Variants in PLCXD3 observed in about 807,000 individuals in gnomAD.
The protein encoded by PLCXD3 is PI-PLC X domain-containing protein 3.
A neutral mutation model predicts 25.5 loss-of-function variants in PLCXD3; 19 were observed. That is an observed-to-expected ratio of 0.75 (90% CI 0.52 to 1.09). PLCXD3 has a LOEUF of 1.09. Among genes scored for constraint, PLCXD3 ranks in the 50% least tolerant of loss-of-function variants. The pLI is 0.00. For synonymous variants in PLCXD3, 174 were observed against 137.6 expected, an observed-to-expected ratio of 1.26 and a Z score of -1.85; for missense variants, 411 against 388.1, an observed-to-expected ratio of 1.06 and a Z score of -0.50.
intron 1 of PLCXD3, among the ~76,000 whole-genome samples, chr5:41,387,985 A>T (rs1745691267): frequency 1.3e-5 from 2 of 152,148 alleles, no homozygotes. Context: ...TTAAAGAACT[A>T]GACTAAATGC....
intron 1 of PLCXD3, among the ~76,000 whole-genome samples, chr5:41,400,346 CA>C (rs1177636238): frequency 2.6e-5 from 4 of 151,574 alleles, no homozygotes; most frequent in Non-Finnish European, 5.9e-5. Flanking sequence ...GGTATATACC[CA>C]AAAAAAGAAA....
rs1743161866 is a variant in PLCXD3, at chr5:41,312,622, C to G, written c.*995G>C. 1 of 145,612 alleles carries G rather than the reference C, an allele frequency of 6.9e-6. No individual in the cohort carries two copies. Among genetic ancestry groups the G allele is most frequent in the African/African-American group, 2.5e-5 (1 of 39,374 alleles). The allele number at this position is 145,612 out of a possible 1,614,324, so 9.0% of individuals were successfully genotyped here. A position where few individuals can be genotyped will look rare whatever the true frequency, so the allele number is the denominator to read the frequency against. Reference sequence around the variant, plus strand: ...TCCTTCCTCCCTTCCTTCCTTCCTCCCGTCCTTCCTTCTGTCCTTCCCTCC... The same window carrying G: ...TCCTTCCTCCCTTCCTTCCTTCCTCGCGTCCTTCCTTCTGTCCTTCCCTCC... On this transcript the variant is annotated 3_prime_UTR_variant, in exon 3 of 3. Coordinates refer to ENST00000377801, the MANE Select transcript of PLCXD3 (RefSeq NM_001005473.3).
At chr5:41,504,535 G>C (rs1342955250) in intron 1 of PLCXD3, among the ~76,000 whole-genome samples, 1 of 152,220 alleles carries the variant, frequency 6.6e-6, no homozygotes, top group Non-Finnish European at 1.5e-5. Context: ...GGCATCAGCA[G>C]CTTCCACAAT....
At chr5:41,383,436 TAGAG>T (rs1405375051) in intron 1 of PLCXD3, among the ~76,000 whole-genome samples, 1 of 152,106 alleles carries the variant, frequency 6.6e-6, no homozygotes, top group African/African-American at 2.4e-5. Flanking sequence ...TTGTCACAAA[TAGAG>T]AGTGCCATTT....
At position 41,413,575 on chromosome 5, in the gene PLCXD3, T is replaced by C. The variant is rs79577818; in HGVS notation, c.104-31041A>G. ...TTCTGGCCAATCCTGCCAAAGAGAC[T>C]GTTATTCCACTTTTCCATTATTTGT... is the stretch of plus-strand genomic sequence containing the variant. On this transcript the variant is annotated intron_variant, in intron 1 of 2. Transcript: ENST00000377801. Among the ~76,000 whole-genome samples the C allele has an allele frequency of 2.7e-3, 404 of 152,374 alleles. 2 individuals carry two copies. The highest frequency in any genetic ancestry group is 9.4e-3 in the African/African-American group (390 of 41,590).
At chr5:41,332,658 G>A (rs544988383) in intron 2 of PLCXD3, among the ~76,000 whole-genome samples, 5,554 of 151,886 alleles carry the variant, frequency 0.037, 344 homozygotes, top group African/African-American at 0.13. Context: ...TGTTTATTGC[G>A]GCACTATTCA....
intron 1 of PLCXD3, among the ~76,000 whole-genome samples, chr5:41,459,207 C>T (rs1032695355): frequency 9.2e-5 from 14 of 151,834 alleles, no homozygotes; most frequent in South Asian, 2.1e-4. Context: ...TATTTTTAGA[C>T]ATTTTCATGT....
intron 2 of PLCXD3, among the ~76,000 whole-genome samples, chr5:41,372,122 A>G (rs1745112965): frequency 6.6e-6 from 1 of 152,016 alleles, no homozygotes; most frequent in African/African-American, 2.4e-5. Context: ...AGTGCTAGCT[A>G]TACATACTAG....
At position 41,491,793 on chromosome 5, in the gene PLCXD3, C is replaced by A. The variant is rs376171051; in HGVS notation, c.103+18631G>T. Among the ~76,000 whole-genome samples the A allele has an allele frequency of 4.6e-5, 7 of 152,142 alleles. No homozygotes were observed. The East Asian group carries it at 1.4e-3, about 29-fold the overall frequency. On this transcript the variant is annotated intron_variant, in intron 1 of 2. Coordinates refer to ENST00000377801, the MANE Select transcript of PLCXD3 (RefSeq NM_001005473.3). Reference sequence around the variant, plus strand: ...TTTGTTTTCCATTTGCTTGGTAGATCTTCCTTCATCCTTTTATTTTGAGCC... The same window carrying A: ...TTTGTTTTCCATTTGCTTGGTAGATATTCCTTCATCCTTTTATTTTGAGCC...
chr5:41,435,330 C>T (rs1747222192), intron 1 of PLCXD3, among the ~76,000 whole-genome samples: 1 of 152,144 alleles, frequency 6.6e-6, no homozygotes, highest in Non-Finnish European at 1.5e-5. Context: ...CCTTTTGGCT[C>T]TGTAAGTAAT....
rs1743052385 is a variant in PLCXD3, at chr5:41,308,470, C to T, written c.*5147G>A. The T allele has an allele frequency of 1.3e-5, 2 of 152,068 alleles. No homozygotes were observed. Among genetic ancestry groups the T allele is most frequent in the South Asian group, 4.2e-4 (2 of 4,812 alleles). 9.4% of individuals were successfully genotyped at this position (152,068 alleles called of 1,614,324 possible). On this transcript the variant is annotated 3_prime_UTR_variant, in exon 3 of 3. Transcript: ENST00000377801. ...GTTAATTAATATTCTGTAATCAGAT[C>T]CAAGCCCAAAGAAGGTCACAGAATT... is the stretch of plus-strand genomic sequence containing the variant.
At chr5:41,507,686 C>T (rs1046897061) in intron 1 of PLCXD3, among the ~76,000 whole-genome samples, 6 of 152,156 alleles carry the variant, frequency 3.9e-5, no homozygotes, top group African/African-American at 1.2e-4. Flanking sequence ...ATTTTCCAGC[C>T]GCTTTACCTA....
chr5:41,337,004 C>A (rs892271076), intron 2 of PLCXD3, among the ~76,000 whole-genome samples: 5 of 152,084 alleles, frequency 3.3e-5, no homozygotes, highest in African/African-American at 4.8e-5. Flanking sequence ...TGTCCTTTAG[C>A]CAGAGTAAGA....
At chr5:41,452,377 A>G (rs1348695762) in intron 1 of PLCXD3, among the ~76,000 whole-genome samples, 2 of 152,048 alleles carry the variant, frequency 1.3e-5, no homozygotes, top group Non-Finnish European at 2.9e-5. Context: ...TTCAAAAGGA[A>G]TGTTTGAAGT....
At chr5:41,412,681 T>G (rs1404906515) in intron 1 of PLCXD3, among the ~76,000 whole-genome samples, 1 of 152,204 alleles carries the variant, frequency 6.6e-6, no homozygotes, top group Non-Finnish European at 1.5e-5. Context: ...ATGTCTCACA[T>G]CTTTATTACA....
chr5:41,482,888 A>G (rs1306860975), intron 1 of PLCXD3, among the ~76,000 whole-genome samples: 1 of 152,212 alleles, frequency 6.6e-6, no homozygotes, highest in Non-Finnish European at 1.5e-5. Context: ...GAACTTTTTC[A>G]TCTTGTAAAA....
intron 1 of PLCXD3, among the ~76,000 whole-genome samples, chr5:41,421,641 C>T (rs1746827535): frequency 6.6e-6 from 1 of 152,162 alleles, no homozygotes; most frequent in African/African-American, 2.4e-5. Flanking sequence ...GCGAAGCTTG[C>T]AGTGAGCCGA....
intron 1 of PLCXD3, among the ~76,000 whole-genome samples, chr5:41,476,568 A>G (rs984672721): frequency 2.6e-5 from 4 of 152,200 alleles, no homozygotes; most frequent in Non-Finnish European, 5.9e-5. Flanking sequence ...AGGATTAAAC[A>G]TGTTCTATGT....
chr5:41,474,798 A>G (rs1232182159), intron 1 of PLCXD3, among the ~76,000 whole-genome samples: 1 of 152,164 alleles, frequency 6.6e-6, no homozygotes, highest in Non-Finnish European at 1.5e-5. Flanking sequence ...TTCCCTGTAA[A>G]TTGACTTTTA....
Sources: gnomAD v4.1 joint callset for allele counts (sites outside exome capture counted in the v4.1 genomes callset) on GRCh38, gnomAD v4.1.1 for gene constraint, MANE v1.5 for transcripts, NCBI Gene and HGNC (gene_info 2026-07-23, HGNC 2026-07-21) for gene names.